Variants in ORC4 observed in about 807,000 individuals in gnomAD.
The protein encoded by ORC4 is origin recognition complex subunit 4, also known as origin recognition complex, subunit 4 homolog.
Under a neutral mutation model 63.9 loss-of-function variants are expected in ORC4, and 55 were observed. The observed-to-expected ratio is 0.86, with a 90% CI of 0.69 to 1.08. The LOEUF (loss-of-function observed/expected upper bound fraction) is 1.08. ORC4 is among the 50% of genes least tolerant of loss of function. The pLI is 0.00. For synonymous variants in ORC4, 150 were observed against 168.5 expected, an observed-to-expected ratio of 0.89 and a Z score of 0.85; for missense variants, 511 against 504.4, an observed-to-expected ratio of 1.01 and a Z score of -0.13.
In ORC4 at chr2:148,005,643, A is replaced by G. The variant is rs539763002; in HGVS notation, c.-18+14990T>C. ...TCCCGTAGCAGGAACACCAAACTGA[A>G]CAACTATCCATGCAAAAAAAAAAAA... On this transcript the variant is annotated intron_variant, in intron 1 of 13. Coordinates refer to ENST00000392857, the MANE Select transcript of ORC4 (RefSeq NM_181741.4). 2.1e-5 allele frequency among the ~76,000 whole-genome samples: 3 copies of G among 145,870 alleles called. No individual in the cohort carries two copies. In the South Asian group the frequency reaches 6.8e-4, roughly 33 times the overall value.
intron 1 of ORC4, among the ~76,000 whole-genome samples, chr2:148,000,391 G>C (rs1346840519): frequency 6.6e-6 from 1 of 151,976 alleles, no homozygotes; most frequent in Non-Finnish European, 1.5e-5. Context: ...AAGTAAGAAG[G>C]GCTTCTAATT....
chr2:147,990,599 G>C (rs1691523161), intron 1 of ORC4, among the ~76,000 whole-genome samples: 1 of 152,222 alleles, frequency 6.6e-6, no homozygotes, highest in Admixed American at 6.5e-5. Flanking sequence ...GTTTCCTTGA[G>C]TTCTCCAGAG....
chr2:147,942,508 C>T (rs543884981), intron 10 of ORC4, among the ~76,000 whole-genome samples: 1 of 151,864 alleles, frequency 6.6e-6, no homozygotes, highest in Non-Finnish European at 1.5e-5. Context: ...CATGGTCATG[C>T]GAAACGATCG....
rs1035785779 is a variant in ORC4, at chr2:147,932,485, C to T, written c.*3025G>A. The T allele has an allele frequency of 4.6e-5, 7 of 152,076 alleles. No individual in the cohort carries two copies. In the East Asian group the frequency reaches 5.8e-4, roughly 13 times the overall value. The allele number at this position is 152,076 out of a possible 1,614,324, so 9.4% of individuals were successfully genotyped here. ...GTTCATATGGAACCAAAAAAGAGCC[C>T]ACATCGCCAAGGCAATCCTAAGCTA... On this transcript the variant is annotated 3_prime_UTR_variant, in exon 14 of 14. Transcript: ENST00000392857.
intron 1 of ORC4, among the ~76,000 whole-genome samples, chr2:148,017,205 TAAAAG>T (rs1693353237): frequency 6.6e-6 from 1 of 152,198 alleles, no homozygotes; most frequent in Non-Finnish European, 1.5e-5. Flanking sequence ...TTGTTCACAC[TAAAAG>T]AAAACAAGGT....
intron 2 of ORC4, among the ~76,000 whole-genome samples, chr2:147,974,025 T>C (rs554641739): frequency 1.3e-5 from 2 of 152,140 alleles, no homozygotes; most frequent in Non-Finnish European, 2.9e-5. Context: ...TATCTCAGAT[T>C]TGGCCCCATG....
intron 4 of ORC4, 53 bp from the exon 5 acceptor site, chr2:147,958,919 C>T: frequency 3.8e-6 from 3 of 779,318 alleles, no homozygotes; most frequent in South Asian, 1.5e-5. Context: ...AAAATAAGTC[C>T]ATATTCGTTT....
chr2:147,933,532 C>G lies in ORC4; in HGVS notation c.*1978G>C, dbSNP rs375155777. 3.9e-5 allele frequency: 6 copies of G among 152,000 alleles called. No homozygotes were observed. The South Asian group carries it at 1.2e-3, about 32-fold the overall frequency. The allele number at this position is 152,000 out of a possible 1,614,324, so 9.4% of individuals were successfully genotyped here. On this transcript the variant is annotated 3_prime_UTR_variant, in exon 14 of 14. Transcript: ENST00000392857. Reference sequence around the variant, plus strand: ...CTTAGTCTTAAAATCTTTCTTTATACTTGGTTATTGATGGATCTTCTGCAG... The same window carrying G: ...CTTAGTCTTAAAATCTTTCTTTATAGTTGGTTATTGATGGATCTTCTGCAG...
chr2:148,020,307 C>A (rs1693621332), intron 1 of ORC4, among the ~76,000 whole-genome samples: 4 of 152,220 alleles, frequency 2.6e-5, no homozygotes, highest in Admixed American at 1.3e-4. Flanking sequence ...TCATGAGGGT[C>A]AATTGCTGAG....
At chr2:147,964,042 A>G (rs1443093288) in intron 4 of ORC4, among the ~76,000 whole-genome samples, 1 of 152,228 alleles carries the variant, frequency 6.6e-6, no homozygotes, top group Non-Finnish European at 1.5e-5. Context: ...ACATAGGGAC[A>G]CATTAAACAT....
intron 1 of ORC4, among the ~76,000 whole-genome samples, chr2:147,986,652 G>A (rs1691214204): frequency 1.3e-5 from 2 of 152,088 alleles, no homozygotes; most frequent in Admixed American, 1.3e-4. Flanking sequence ...AAATAAGAAT[G>A]AACTTATTTA....
chr2:147,973,569 T>A, intron 2 of ORC4, 45 bp from the exon 3 acceptor site: 5 of 1,061,216 alleles, frequency 4.7e-6, no homozygotes, highest in Non-Finnish European at 5.7e-6. Context: ...ATATTACACA[T>A]GATATAAAAA....
chr2:147,968,589 C>T (rs1690030551), intron 4 of ORC4, among the ~76,000 whole-genome samples: 1 of 151,998 alleles, frequency 6.6e-6, no homozygotes, highest in African/African-American at 2.4e-5. Context: ...AGTGAGGTAT[C>T]ATCTCACTCC....
Position 147,958,392 on chromosome 2 carries a change from A to C in ORC4, c.302-9T>G, listed in dbSNP as rs1689384585. The stretch of plus-strand genomic sequence containing the variant: ...ATTGATCTGCAGCAGTCCTAAAATA[A>C]AGTCCATTTAAAAGTATTTAATTAA... On this transcript the variant is annotated splice_polypyrimidine_tract_variant and intron_variant, in intron 5 of 13. Coordinates refer to ENST00000392857, the MANE Select transcript of ORC4 (RefSeq NM_181741.4). 6.3e-7 allele frequency: 1 copy of C among 1,595,664 alleles called. No individual in the cohort carries two copies. The highest frequency in any genetic ancestry group is 8.6e-7 in the Non-Finnish European group (1 of 1,164,094).
intron 1 of ORC4, among the ~76,000 whole-genome samples, chr2:148,001,187 C>G (rs1333576750): frequency 6.6e-6 from 1 of 152,002 alleles, no homozygotes; most frequent in South Asian, 2.1e-4. Flanking sequence ...GAGAACCTAA[C>G]CTGTGACAAA....
chr2:148,003,117 T>C (rs1692416940), intron 1 of ORC4, among the ~76,000 whole-genome samples: 1 of 152,068 alleles, frequency 6.6e-6, no homozygotes, highest in Non-Finnish European at 1.5e-5. Context: ...AGGCAGTAAT[T>C]AATAGCCTAC....
Position 147,979,438 on chromosome 2 carries a change from A to T in ORC4, c.-17-3463T>A, listed in dbSNP as rs537645756. 4.6e-5 allele frequency among the ~76,000 whole-genome samples: 7 copies of T among 152,356 alleles called. No individual in the cohort carries two copies. The South Asian group carries it at 1.2e-3, about 27-fold the overall frequency. On this transcript the variant is annotated intron_variant, in intron 1 of 13. Transcript: ENST00000392857. ...TATACAATATTGATGAAAGAAAGTG[A>T]AGACACAAATAAATGGAAATATACT...
At chr2:147,935,756 G>C in intron 13 of ORC4, 58 bp from the exon 14 acceptor site, 10 of 1,397,090 alleles carry the variant, frequency 7.2e-6, no homozygotes, top group African/African-American at 1.4e-5. Context: ...CAACTCTCCT[G>C]TTCTCTCCCA....
chr2:147,976,386 A>C (rs1012781431), intron 1 of ORC4, among the ~76,000 whole-genome samples: 1 of 152,220 alleles, frequency 6.6e-6, no homozygotes, highest in Non-Finnish European at 1.5e-5. Flanking sequence ...TTAGTAGACT[A>C]GTATACTGTA....
Sources: allele counts gnomAD v4.1 joint callset (sites outside exome capture counted in the v4.1 genomes callset), GRCh38; gene constraint gnomAD v4.1.1; transcripts MANE v1.5; gene names NCBI Gene and HGNC (gene_info 2026-07-23, HGNC 2026-07-21).